SPICE1: variants seen among roughly 807,000 people sequenced by gnomAD.
SPICE1 encodes spindle and centriole associated protein 1.
SPICE1 carries 75 observed loss-of-function variants against 102.7 expected under a neutral mutation model. The observed-to-expected ratio is 0.73, with a 90% confidence interval of 0.61 to 0.88. SPICE1 has a LOEUF of 0.88. SPICE1 is among the 40% of genes least tolerant of loss of function. The pLI, the probability that SPICE1 is intolerant of heterozygous loss-of-function variation, is 0.00. For synonymous variants in SPICE1, 308 were observed against 350.3 expected (o/e 0.88, Z 1.35); for missense variants, 979 against 1,020.1 (o/e 0.96, Z 0.55).
chr3:113,445,055 A>C lies in SPICE1; in HGVS notation c.*252T>G. On this transcript the variant is annotated 3_prime_UTR_variant, in exon 18 of 18. Coordinates refer to ENST00000295872, the MANE Select transcript of SPICE1 (RefSeq NM_144718.4). ...AAAAAACCCTTAAAATACTTAAGAAAGTATTAAAATACAAAACTTTAACTT... is the reference window on the plus strand; with the variant it reads ...AAAAAACCCTTAAAATACTTAAGAACGTATTAAAATACAAAACTTTAACTT... 1 of 309,202 alleles carries C rather than the reference A, an allele frequency of 3.2e-6. No homozygotes were observed. Among genetic ancestry groups the C allele is most frequent in the East Asian group, 5.3e-5 (1 of 18,960 alleles). 19.2% of individuals were successfully genotyped at this position (309,202 alleles called of 1,614,324 possible).
chr3:113,493,123 T>C, intron 6 of SPICE1, 83 bp downstream of exon 6: 1 of 1,022,130 alleles, frequency 9.8e-7, no homozygotes. Context: ...ATATTTAAAC[T>C]TTTAAAATAT....
intron 10 of SPICE1, among the ~76,000 whole-genome samples, chr3:113,466,048 G>C (rs1289596833): frequency 6.6e-6 from 1 of 152,050 alleles, no homozygotes; most frequent in Non-Finnish European, 1.5e-5. Context: ...GAAAGTAGAG[G>C]GATATACATA....
intron 7 of SPICE1, among the ~76,000 whole-genome samples, chr3:113,480,073 G>A (rs577852168): frequency 2.8e-4 from 43 of 152,206 alleles, no homozygotes; most frequent in Non-Finnish European, 4.7e-4. Context: ...TTTTTAAGAA[G>A]TATAGAGATT....
intron 13 of SPICE1, among the ~76,000 whole-genome samples, chr3:113,454,713 T>C (rs560632433): frequency 2.7e-5 from 4 of 150,358 alleles, no homozygotes; most frequent in African/African-American, 7.3e-5. Flanking sequence ...CGAAACTCCA[T>C]CTCAAAGGAA....
At chr3:113,486,646 G>T (rs1224050610) in intron 7 of SPICE1, among the ~76,000 whole-genome samples, 3 of 151,476 alleles carry the variant, frequency 2.0e-5, no homozygotes, top group Non-Finnish European at 4.4e-5. Flanking sequence ...AGATTTCCAG[G>T]ATATATCATT....
intron 11 of SPICE1, 123 bp from the exon 12 acceptor site, chr3:113,460,887 G>T: frequency 1.3e-6 from 1 of 744,632 alleles, no homozygotes; most frequent in Non-Finnish European, 2.0e-6. Context: ...CAAAGGATAT[G>T]TATGTATAAT....
intron 1 of SPICE1, among the ~76,000 whole-genome samples, chr3:113,512,333 T>C (rs116601368): frequency 1.3e-5 from 2 of 152,140 alleles, no homozygotes; most frequent in Admixed American, 6.5e-5. Flanking sequence ...CTGTATTTAC[T>C]AATCCTTAGT....
At chr3:113,508,215 T>C (rs1345483201) in intron 1 of SPICE1, among the ~76,000 whole-genome samples, 1 of 152,106 alleles carries the variant, frequency 6.6e-6, no homozygotes, top group African/African-American at 2.4e-5. Context: ...GAGCCGTGGG[T>C]TAAGCAATGG....
chr3:113,511,795 A>G (rs1321218255), intron 1 of SPICE1, among the ~76,000 whole-genome samples: 1 of 152,172 alleles, frequency 6.6e-6, no homozygotes. Context: ...TATTAAGAAT[A>G]TTAAAATTCA....
In SPICE1 at chr3:113,446,674, G is replaced by A. The variant is rs1403664575; in HGVS notation, c.2429C>T (p.Ser810Phe). ...SPVSGINTRR[S>F]SGATGNSCSP... Reference sequence around the variant, plus strand: ...ACAAGAATTACCAGTAGCCCCGGAAGATCTATTCATGAAAAATAAAACAGA... The same window carrying A: ...ACAAGAATTACCAGTAGCCCCGGAAAATCTATTCATGAAAAATAAAACAGA... Residue 810 changes from serine (S) to phenylalanine (F), a missense_variant and splice_region_variant, in exon 17 of 18, where the codon TCT (serine) becomes TTT (phenylalanine). By Grantham distance (155) the Ser-to-Phe change is radical. Coordinates refer to ENST00000295872, the MANE Select transcript of SPICE1 (RefSeq NM_144718.4). The A allele has an allele frequency of 6.2e-7, 1 of 1,611,226 alleles. No homozygotes were observed. The highest frequency in any genetic ancestry group is 8.5e-7 in the Non-Finnish European group (1 of 1,178,022).
At chr3:113,481,865 T>C (rs771558005) in intron 7 of SPICE1, among the ~76,000 whole-genome samples, 9 of 152,198 alleles carry the variant, frequency 5.9e-5, no homozygotes, top group Non-Finnish European at 1.3e-4. Flanking sequence ...TGAATAGTGA[T>C]GCAATAAACA....
chr3:113,443,837 A>G lies in SPICE1; in HGVS notation c.*1470T>C, dbSNP rs1218298452. ...TCCCATAAGGTGTCATGAAGCACAT[A>G]AAGTGGCTACAATATTGCCTAGTAT... On this transcript the variant is annotated 3_prime_UTR_variant, in exon 18 of 18. Transcript: ENST00000295872. 2 of 152,248 alleles carry G rather than the reference A, an allele frequency of 1.3e-5. No individual in the cohort carries two copies. The highest frequency in any genetic ancestry group is 2.9e-5 in the Non-Finnish European group (2 of 68,046). 9.4% of individuals were successfully genotyped at this position (152,248 alleles called of 1,614,324 possible).
intron 7 of SPICE1, among the ~76,000 whole-genome samples, chr3:113,485,632 G>C (rs1481338370): frequency 6.6e-6 from 1 of 152,222 alleles, no homozygotes; most frequent in Non-Finnish European, 1.5e-5. Flanking sequence ...CCTGGGAGAA[G>C]GGGCGGCTGT....
At chr3:113,490,039 A>G (rs562958120) in intron 6 of SPICE1, among the ~76,000 whole-genome samples, 2 of 152,178 alleles carry the variant, frequency 1.3e-5, no homozygotes, top group Admixed American at 6.6e-5. Context: ...GTAAGCACTC[A>G]ATAAATTTTA....
chr3:113,492,901 T>C (rs994041643), intron 6 of SPICE1, among the ~76,000 whole-genome samples: 2 of 152,200 alleles, frequency 1.3e-5, no homozygotes, highest in Admixed American at 6.5e-5. Flanking sequence ...CCATCTCTGA[T>C]GCAAACTATG....
chr3:113,493,254 T>C lies in SPICE1; in HGVS notation c.444A>G (p.Gln148=). The C allele has an allele frequency of 6.2e-7, 1 of 1,613,464 alleles. No individual in the cohort carries two copies. Among genetic ancestry groups the C allele is most frequent in the Non-Finnish European group, 8.5e-7 (1 of 1,179,760 alleles). The change falls in exon 6 of 18, where the codon CAA becomes CAG. Residue 148 remains glutamine, a synonymous_variant. Coordinates refer to ENST00000295872, the MANE Select transcript of SPICE1 (RefSeq NM_144718.4). Reference sequence around the variant, plus strand: ...TAAAGATAGATTGGGTGATAGGGTCTTGATTTACCACAATGGGACCCTGAG... The same window carrying C: ...TAAAGATAGATTGGGTGATAGGGTCCTGATTTACCACAATGGGACCCTGAG... ...DSSQGPIVVN[Q]DPITQSIFNE... is the part of the protein sequence containing the mutation.
Position 113,460,747 on chromosome 3 carries a change from G to C in SPICE1, c.1305C>G (p.Tyr435Ter). 6.2e-7 allele frequency: 1 copy of C among 1,607,448 alleles called. No homozygotes were observed. The highest frequency in any genetic ancestry group is 8.5e-7 in the Non-Finnish European group (1 of 1,177,850). Residue 435 changes from tyrosine to a stop codon, truncating the protein, a stop_gained, in exon 12 of 18, where the codon TAC becomes TAG. Transcript: ENST00000295872. LOFTEE classifies it high-confidence loss of function. ...TCAGTTGCTCATCTGTTGTGACCAT[G>C]TACTGCTGAAGTCTTGCCTGGGGAG... ...NAATQARLQQ[Y>*]MVTTDEQLIS...
intron 16 of SPICE1, among the ~76,000 whole-genome samples, chr3:113,447,391 T>C (rs1190449747): frequency 6.6e-6 from 1 of 152,190 alleles, no homozygotes; most frequent in Non-Finnish European, 1.5e-5. Context: ...AATGTTGATA[T>C]AATTGACTGA....
At chr3:113,474,412 T>C (rs910635191) in intron 7 of SPICE1, among the ~76,000 whole-genome samples, 1 of 152,152 alleles carries the variant, frequency 6.6e-6, no homozygotes, top group Non-Finnish European at 1.5e-5. Context: ...ACCCAGGAAT[T>C]GAACTCAGCT....
Sources: allele counts gnomAD v4.1 joint callset (sites outside exome capture counted in the v4.1 genomes callset), GRCh38; gene constraint gnomAD v4.1.1; transcripts MANE v1.5; gene names NCBI Gene and HGNC (gene_info 2026-07-23, HGNC 2026-07-21).